Variants in CNTNAP2 observed in about 807,000 individuals in gnomAD.
CNTNAP2 encodes the protein contactin-associated protein-like 2.
Under a neutral mutation model 155.2 loss-of-function variants are expected in CNTNAP2, and 98 were observed. The ratio of observed to expected loss-of-function variants is 0.63; its 90% CI spans 0.54 to 0.75. The LOEUF (loss-of-function observed/expected upper bound fraction) is 0.75, where lower values mean the gene tolerates loss of function less well. Among genes scored for constraint, CNTNAP2 ranks in the 30% least tolerant of loss-of-function variants. CNTNAP2 has a pLI of 0.00. For synonymous variants in CNTNAP2, 651 were observed against 631.2 expected, an observed-to-expected ratio of 1.03 and a Z score of -0.47; for missense variants, 1,727 against 1,688.1, an observed-to-expected ratio of 1.02 and a Z score of -0.40.
intron 14 of CNTNAP2, among the ~76,000 whole-genome samples, chr7:147,911,579 C>T (rs192688178): frequency 4.6e-5 from 7 of 152,290 alleles, no homozygotes; most frequent in Non-Finnish European, 1.0e-4. Flanking sequence ...TCTCTCAAGG[C>T]TCAAAATAAT....
intron 1 of CNTNAP2, among the ~76,000 whole-genome samples, chr7:146,583,086 G>A (rs180865693): frequency 8.5e-4 from 130 of 152,130 alleles, no homozygotes; most frequent in Non-Finnish European, 1.8e-3. Flanking sequence ...CCTTTGGAAT[G>A]TGATGACAAC....
intron 1 of CNTNAP2, among the ~76,000 whole-genome samples, chr7:146,485,752 A>G (rs1343885107): frequency 6.6e-6 from 1 of 152,210 alleles, no homozygotes; most frequent in East Asian, 1.9e-4. Flanking sequence ...CCCTCCTGCC[A>G]TGGAGCTTCC....
chr7:147,753,656 G>A (rs75068182), intron 13 of CNTNAP2, among the ~76,000 whole-genome samples: 4 of 152,008 alleles, frequency 2.6e-5, no homozygotes, highest in African/African-American at 4.8e-5. Flanking sequence ...AAAATAATTC[G>A]GTAATGGGGA....
intron 1 of CNTNAP2, among the ~76,000 whole-genome samples, chr7:146,744,536 A>G (rs538235321): frequency 3.3e-5 from 5 of 152,336 alleles, no homozygotes; most frequent in African/African-American, 1.2e-4. Flanking sequence ...TACGATGCCA[A>G]CATTTCAAGG....
chr7:147,949,711 GA>G (rs1381839125), intron 14 of CNTNAP2, among the ~76,000 whole-genome samples: 1 of 152,158 alleles, frequency 6.6e-6, no homozygotes, highest in African/African-American at 2.4e-5. Flanking sequence ...TGCTGGGTCA[GA>G]TGGAAGCCAG....
chr7:146,845,626 A>G (rs1803827064), intron 3 of CNTNAP2, among the ~76,000 whole-genome samples: 2 of 152,210 alleles, frequency 1.3e-5, no homozygotes. Context: ...TATGTTTTTC[A>G]GATTCCCTTT....
At chr7:146,711,560 A>C (rs1022664155) in intron 1 of CNTNAP2, among the ~76,000 whole-genome samples, 1 of 149,446 alleles carries the variant, frequency 6.7e-6, no homozygotes, top group East Asian at 2.0e-4. Flanking sequence ...CTGACCCTAG[A>C]AACACCATAC....
intron 22 of CNTNAP2, among the ~76,000 whole-genome samples, chr7:148,405,166 A>G (rs913266359): frequency 2.0e-5 from 3 of 152,158 alleles, no homozygotes; most frequent in Non-Finnish European, 2.9e-5. Context: ...CATATCACCT[A>G]TACCTAGAAT....
intron 13 of CNTNAP2, among the ~76,000 whole-genome samples, chr7:147,784,494 A>AATATATATATAT (rs10528525): frequency 2.2e-5 from 1 of 45,008 alleles, no homozygotes; most frequent in Non-Finnish European, 6.8e-5. Context: ...GCTCTGGACT[A>AATATATATATAT]ATATATATAT....
intron 3 of CNTNAP2, among the ~76,000 whole-genome samples, chr7:146,992,369 T>G (rs1010281398): frequency 5.3e-5 from 8 of 151,612 alleles, no homozygotes; most frequent in Non-Finnish European, 8.8e-5. Flanking sequence ...ACTTTCTCCT[T>G]AGTTCAGCTG....
At chr7:146,263,292 AGGAAGGAC>A (rs1206852971) in intron 1 of CNTNAP2, among the ~76,000 whole-genome samples, 7 of 148,764 alleles carry the variant, frequency 4.7e-5, no homozygotes, top group African/African-American at 1.8e-4. Flanking sequence ...GAAGGAAGGA[AGGAAGGAC>A]GGAAGGAAGG....
At chr7:146,588,701 A>G (rs888737328) in intron 1 of CNTNAP2, among the ~76,000 whole-genome samples, 1 of 151,856 alleles carries the variant, frequency 6.6e-6, no homozygotes, top group Non-Finnish European at 1.5e-5. Flanking sequence ...TAGAGGTAGG[A>G]TTTTGCCCTG....
intron 1 of CNTNAP2, among the ~76,000 whole-genome samples, chr7:146,605,456 C>T (rs1454762656): frequency 6.9e-6 from 1 of 145,194 alleles, no homozygotes; most frequent in African/African-American, 2.5e-5. Context: ...TATTAATGCA[C>T]TTAGTATAGT....
At chr7:148,301,054 G>A (rs988539417) in intron 21 of CNTNAP2, among the ~76,000 whole-genome samples, 5 of 151,992 alleles carry the variant, frequency 3.3e-5, no homozygotes, top group Non-Finnish European at 5.9e-5. Context: ...CCAGCACTTT[G>A]GGAGGCCGAG....
intron 1 of CNTNAP2, among the ~76,000 whole-genome samples, chr7:146,599,294 C>G (rs1450023793): frequency 6.6e-6 from 1 of 152,036 alleles, no homozygotes; most frequent in East Asian, 1.9e-4. Flanking sequence ...TGTCTCTTCT[C>G]TACTCAAAGC....
chr7:146,497,553 C>T (rs1288636843), intron 1 of CNTNAP2, among the ~76,000 whole-genome samples: 5 of 151,872 alleles, frequency 3.3e-5, no homozygotes, highest in Non-Finnish European at 2.9e-5. Flanking sequence ...CCAAACTTGT[C>T]TTCATAAGTA....
At chr7:147,561,859 C>A (rs1375383929) in intron 11 of CNTNAP2, among the ~76,000 whole-genome samples, 1 of 151,994 alleles carries the variant, frequency 6.6e-6, no homozygotes, top group East Asian at 1.9e-4. Flanking sequence ...TGATCATGAG[C>A]CCCAGTAAAA....
intron 5 of CNTNAP2, among the ~76,000 whole-genome samples, chr7:147,114,094 G>C (rs1417508970): frequency 6.6e-6 from 1 of 152,134 alleles, no homozygotes; most frequent in Non-Finnish European, 1.5e-5. Context: ...TAAGGAGCAG[G>C]TTGTTCACTT....
At chr7:146,800,705 A>G (rs756804720) in intron 2 of CNTNAP2, among the ~76,000 whole-genome samples, 6 of 152,154 alleles carry the variant, frequency 3.9e-5, no homozygotes, top group Non-Finnish European at 2.9e-5. Flanking sequence ...TCAGTTGTAA[A>G]TGTAAGGAGA....
Sources: gnomAD v4.1 joint callset for allele counts (sites outside exome capture counted in the v4.1 genomes callset) on GRCh38, gnomAD v4.1.1 for gene constraint, MANE v1.5 for transcripts, NCBI Gene and HGNC (gene_info 2026-07-23, HGNC 2026-07-21) for gene names.